Variants in DIAPH3 observed in about 807,000 individuals in gnomAD.
The protein encoded by DIAPH3 is protein diaphanous homolog 3.
Under a neutral mutation model 144.3 loss-of-function variants are expected in DIAPH3, and 117 were observed. The observed-to-expected ratio is 0.81, with a 90% CI of 0.70 to 0.95. DIAPH3 has a LOEUF of 0.95. Ranked by LOEUF, DIAPH3 falls within the 40% of genes least tolerant of loss-of-function variation. The probability of loss-of-function intolerance (pLI) is 0.00; values close to 1 mark genes in which losing one functional copy is unlikely to be tolerated. For missense variants in DIAPH3, 1,421 were observed against 1,412.7 expected, an observed-to-expected ratio of 1.01 and a Z score of -0.09; for synonymous variants, 519 against 488.9, an observed-to-expected ratio of 1.06 and a Z score of -0.81.
intron 27 of DIAPH3, among the ~76,000 whole-genome samples, chr13:59,726,147 A>G (rs1385652545): frequency 2.0e-5 from 3 of 152,340 alleles, no homozygotes; most frequent in Non-Finnish European, 4.4e-5. Flanking sequence ...GTATTATTTC[A>G]TATAGCCAAA....
intron 24 of DIAPH3, among the ~76,000 whole-genome samples, chr13:59,821,899 C>A (rs180822967): frequency 2.0e-5 from 3 of 152,204 alleles, no homozygotes; most frequent in Admixed American, 1.3e-4. Flanking sequence ...GGAAACTATC[C>A]TTTGAGGAAC....
chr13:60,092,487 A>C (rs936492808), intron 4 of DIAPH3, among the ~76,000 whole-genome samples: 10 of 152,196 alleles, frequency 6.6e-5, no homozygotes, highest in South Asian at 2.1e-4. Flanking sequence ...CCCGTCTCTA[A>C]TAAAAATACA....
At position 59,809,648 on chromosome 13, in the gene DIAPH3, A is replaced by G. The variant is rs542069195; in HGVS notation, c.3163+1140T>C. ...TCTCCATTTTTATTCATACTTAAAA[A>G]TAATTCTGAGAATATTCCCTGAATT... On this transcript the variant is annotated intron_variant, in intron 25 of 27. Transcript: ENST00000400324. Among the ~76,000 whole-genome samples the G allele has an allele frequency of 2.6e-5, 4 of 152,358 alleles. No individual in the cohort carries two copies. The South Asian group carries it at 6.2e-4, about 24-fold the overall frequency.
chr13:60,025,467 T>C (rs896042623), intron 5 of DIAPH3, among the ~76,000 whole-genome samples: 1 of 133,702 alleles, frequency 7.5e-6, no homozygotes, highest in Non-Finnish European at 1.6e-5. Flanking sequence ...GTCTGAAACA[T>C]CCACTGTTAG....
intron 17 of DIAPH3, among the ~76,000 whole-genome samples, chr13:59,929,455 T>C (rs984346279): frequency 9.7e-6 from 1 of 102,622 alleles, no homozygotes; most frequent in African/African-American, 3.8e-5. Context: ...TCTGTGCTAC[T>C]GTTAACACTG....
At chr13:60,117,326 T>C (rs1455403005) in intron 2 of DIAPH3, among the ~76,000 whole-genome samples, 1 of 152,026 alleles carries the variant, frequency 6.6e-6, no homozygotes, top group Non-Finnish European at 1.5e-5. Context: ...AAAATAGTAA[T>C]ATGAGATACA....
intron 4 of DIAPH3, among the ~76,000 whole-genome samples, chr13:60,061,636 TAAG>T (rs2056777970): frequency 1.3e-5 from 2 of 149,376 alleles, no homozygotes; most frequent in African/African-American, 2.5e-5. Flanking sequence ...CCCCCACATG[TAAG>T]AAGGAAACTA....
chr13:60,108,396 G>A (rs958301027), intron 3 of DIAPH3, among the ~76,000 whole-genome samples: 1 of 152,052 alleles, frequency 6.6e-6, no homozygotes, highest in Non-Finnish European at 1.5e-5. Context: ...ATCACTTGAG[G>A]TCAGGAATTC....
At chr13:60,160,315 T>C (rs899804051) in intron 1 of DIAPH3, among the ~76,000 whole-genome samples, 1 of 152,242 alleles carries the variant, frequency 6.6e-6, no homozygotes, top group Non-Finnish European at 1.5e-5. Flanking sequence ...ATCTATTTGA[T>C]GGAAACGATT....
chr13:60,152,219 C>T (rs534310426), intron 1 of DIAPH3, among the ~76,000 whole-genome samples: 4 of 152,042 alleles, frequency 2.6e-5, no homozygotes, highest in Admixed American at 6.5e-5. Context: ...CTAAGGGCTT[C>T]AAGAAATTCT....
chr13:59,953,944 G>T (rs1169553900), intron 17 of DIAPH3, among the ~76,000 whole-genome samples: 2 of 152,122 alleles, frequency 1.3e-5, no homozygotes, highest in Non-Finnish European at 2.9e-5. Context: ...TAAATGAAAG[G>T]CTATCGCTGT....
intron 25 of DIAPH3, among the ~76,000 whole-genome samples, chr13:59,809,552 T>C (rs2040368569): frequency 6.6e-6 from 1 of 151,718 alleles, no homozygotes; most frequent in South Asian, 2.1e-4. Flanking sequence ...TTCTGTAAAT[T>C]AGGAAGTAAT....
chr13:59,959,142 C>A (rs1297868657), intron 17 of DIAPH3, among the ~76,000 whole-genome samples: 2 of 152,078 alleles, frequency 1.3e-5, no homozygotes, highest in African/African-American at 2.4e-5. Flanking sequence ...TCACAAAGTG[C>A]GGAGATTACA....
intron 17 of DIAPH3, among the ~76,000 whole-genome samples, chr13:59,941,671 TAA>T (rs1374581427): frequency 1.3e-5 from 2 of 152,120 alleles, no homozygotes; most frequent in Non-Finnish European, 2.9e-5. Context: ...GTAAAAGCAC[TAA>T]AAGAGTCAGC....
At position 60,063,114 on chromosome 13, in the gene DIAPH3, T is replaced by A. The variant is rs867007227; in HGVS notation, c.496-20294A>T. Reference sequence around the variant, plus strand: ...AATTGGAGTCAATCATCACAAATGCTACTTTATCAACTAAGCTTATGGAAG... The same window carrying A: ...AATTGGAGTCAATCATCACAAATGCAACTTTATCAACTAAGCTTATGGAAG... On this transcript the variant is annotated intron_variant, in intron 4 of 27. Coordinates refer to ENST00000400324, the MANE Select transcript of DIAPH3 (RefSeq NM_001042517.2). Among the ~76,000 whole-genome samples, 4 of 152,252 alleles carry A rather than the reference T, an allele frequency of 2.6e-5. No individual in the cohort carries two copies. In the South Asian group the frequency reaches 6.2e-4, roughly 24 times the overall value.
chr13:59,666,765 T>C lies in DIAPH3; in HGVS notation c.3401A>G (p.Lys1134Arg). The change falls in exon 28 of 28, where the codon AAG becomes AGG. Residue 1134 changes from lysine to arginine, a missense_variant. Lys to Arg is a conservative substitution (Grantham distance 26). Coordinates refer to ENST00000400324, the MANE Select transcript of DIAPH3 (RefSeq NM_001042517.2). ...NCNSTRTPVA[K>R]ELNYNLDTHT... is the part of the protein sequence containing the mutation. ...AGTGTCTAGATTATAATTAAGCTCC[T>C]TGGCGACTGGAGTCCTTGTTGAGTT... The C allele has an allele frequency of 1.9e-6, 3 of 1,614,188 alleles. No homozygotes were observed. The South Asian group carries it at 3.3e-5, about 18-fold the overall frequency.
intron 3 of DIAPH3, among the ~76,000 whole-genome samples, chr13:60,106,405 TAG>T (rs2058422947): frequency 6.6e-6 from 1 of 152,108 alleles, no homozygotes; most frequent in Non-Finnish European, 1.5e-5. Flanking sequence ...ACATCAGGCA[TAG>T]AGATATATAT....
At chr13:59,938,816 G>A (rs1172039091) in intron 17 of DIAPH3, among the ~76,000 whole-genome samples, 1 of 152,138 alleles carries the variant, frequency 6.6e-6, no homozygotes, top group Non-Finnish European at 1.5e-5. Context: ...AGAGAATGGG[G>A]AGTTAGTGTT....
At chr13:60,046,862 C>T (rs1311636661) in intron 4 of DIAPH3, among the ~76,000 whole-genome samples, 1 of 152,028 alleles carries the variant, frequency 6.6e-6, no homozygotes, top group Non-Finnish European at 1.5e-5. Flanking sequence ...TCTCAGCAAA[C>T]TAACAACAAG....
Sources: allele counts gnomAD v4.1 joint callset (sites outside exome capture counted in the v4.1 genomes callset), GRCh38; gene constraint gnomAD v4.1.1; transcripts MANE v1.5; gene names NCBI Gene and HGNC (gene_info 2026-07-23, HGNC 2026-07-21).